The following USH2A variants were observed in gnomAD, a reference collection of about 807,000 sequenced individuals.
USH2A encodes usherin.
Under a neutral mutation model 538.9 loss-of-function variants are expected in USH2A, and 443 were observed. The ratio of observed to expected loss-of-function variants is 0.82; its 90% confidence interval spans 0.76 to 0.89. The LOEUF (loss-of-function observed/expected upper bound fraction) is 0.89, where lower values mean the gene tolerates loss of function less well. Ranked by LOEUF, USH2A falls within the 40% of genes least tolerant of loss-of-function variation. The pLI is 0.00. For missense variants in USH2A, 6,633 were observed against 6,324.8 expected, an observed-to-expected ratio of 1.05 and a Z score of -1.65; for synonymous variants, 2,413 against 2,273.5, an observed-to-expected ratio of 1.06 and a Z score of -1.75.
chr1:215,739,429 G>A (rs1660241605), intron 60 of USH2A, among the ~76,000 whole-genome samples: 1 of 152,066 alleles, frequency 6.6e-6, no homozygotes, highest in Non-Finnish European at 1.5e-5. Context: ...CTGTAATCAC[G>A]AGCTTTATTT....
chr1:215,713,257 G>A (rs911628444), intron 61 of USH2A, among the ~76,000 whole-genome samples: 1 of 152,026 alleles, frequency 6.6e-6, no homozygotes, highest in African/African-American at 2.4e-5. Context: ...ACTGAGTGCC[G>A]TCTCAGTTCC....
intron 4 of USH2A, among the ~76,000 whole-genome samples, chr1:216,349,426 G>A (rs1429133362): frequency 6.6e-6 from 1 of 152,126 alleles, no homozygotes; most frequent in South Asian, 2.1e-4. Context: ...ATTCTCAAGA[G>A]GGTAAGTCAT....
At chr1:216,168,512 T>C (rs902066276) in intron 21 of USH2A, among the ~76,000 whole-genome samples, 12 of 152,122 alleles carry the variant, frequency 7.9e-5, no homozygotes, top group African/African-American at 2.9e-4. Context: ...GACCTAACCT[T>C]GGGAAAAAAT....
intron 32 of USH2A, among the ~76,000 whole-genome samples, chr1:216,014,097 G>GAGAGAA (rs55999517): frequency 0.17 from 25,836 of 151,840 alleles, 2,484 homozygotes; most frequent in South Asian, 0.3. Flanking sequence ...GAGAGAGAGA[G>GAGAGAA]AGAGAAGAGA....
At chr1:216,119,178 A>C (rs2102592646) in intron 21 of USH2A, among the ~76,000 whole-genome samples, 1 of 152,354 alleles carries the variant, frequency 6.6e-6, no homozygotes, top group South Asian at 2.1e-4. Context: ...CCCCAACCCC[A>C]TCACTAAATA....
chr1:216,094,132 GA>G (rs1363233461), intron 22 of USH2A, among the ~76,000 whole-genome samples: 22 of 152,114 alleles, frequency 1.4e-4, no homozygotes, highest in African/African-American at 5.3e-4. Context: ...AGCAGAGCCA[GA>G]TTTTTCTTTC....
At chr1:216,047,003 G>A (rs547777610) in intron 31 of USH2A, among the ~76,000 whole-genome samples, 1 of 152,240 alleles carries the variant, frequency 6.6e-6, no homozygotes, top group South Asian at 2.1e-4. Flanking sequence ...TATATGTAAT[G>A]ATAAGAATTG....
At chr1:215,961,004 A>G (rs541190883) in intron 37 of USH2A, among the ~76,000 whole-genome samples, 23 of 152,164 alleles carry the variant, frequency 1.5e-4, no homozygotes, top group Admixed American at 1.4e-3. Context: ...CTTTGTTGCC[A>G]TTTTACACAC....
chr1:215,778,683 G>C (rs1661535964), intron 55 of USH2A, among the ~76,000 whole-genome samples: 1 of 152,118 alleles, frequency 6.6e-6, no homozygotes, highest in Admixed American at 6.6e-5. Context: ...CCAATGGAAG[G>C]AGGTCATCCA....
intron 23 of USH2A, among the ~76,000 whole-genome samples, chr1:216,088,504 T>C (rs1260683366): frequency 6.6e-6 from 1 of 152,164 alleles, no homozygotes; most frequent in Admixed American, 6.6e-5. Context: ...ATTATACAGG[T>C]ACAGTGATCA....
chr1:216,342,107 G>T (rs2038087567), intron 4 of USH2A, among the ~76,000 whole-genome samples: 2 of 152,042 alleles, frequency 1.3e-5, no homozygotes, highest in South Asian at 4.2e-4. Context: ...CCTGACAAAG[G>T]TCTAATATCC....
At chr1:216,144,103 T>G (rs990352874) in intron 21 of USH2A, among the ~76,000 whole-genome samples, 11 of 152,334 alleles carry the variant, frequency 7.2e-5, no homozygotes, top group African/African-American at 2.6e-4. Context: ...CTAAGTATTA[T>G]GAACATTTTA....
intron 38 of USH2A, among the ~76,000 whole-genome samples, chr1:215,923,277 A>G (rs2102490089): frequency 6.6e-6 from 1 of 152,176 alleles, no homozygotes; most frequent in East Asian, 1.9e-4. Context: ...ACAAAAAAAC[A>G]CTCAAGGGAA....
At chr1:215,820,381 C>CT (rs1662978317) in intron 47 of USH2A, among the ~76,000 whole-genome samples, 1 of 151,502 alleles carries the variant, frequency 6.6e-6, no homozygotes, top group African/African-American at 2.4e-5. Context: ...AAGTAACAGG[C>CT]TTTACTAGCA....
chr1:216,357,811 G>C (rs1462021156), intron 4 of USH2A, among the ~76,000 whole-genome samples: 1 of 152,080 alleles, frequency 6.6e-6, no homozygotes, highest in Non-Finnish European at 1.5e-5. Flanking sequence ...AGCTAGTATG[G>C]TTTATTACCA....
rs115208667 is a variant in USH2A, at chr1:215,894,951, C to G, written c.7594+5124G>C. ...TCCAAATATAAATCATTTCCAATTC[C>G]TCTCCTGGTCTTCTCTGGGTAGGCT... On this transcript the variant is annotated intron_variant, in intron 40 of 71. Coordinates refer to ENST00000307340, the MANE Select transcript of USH2A (RefSeq NM_206933.4). Among the ~76,000 whole-genome samples the G allele has an allele frequency of 8.9e-3, 1,356 of 152,226 alleles. 15 individuals carry two copies. Among genetic ancestry groups the G allele is most frequent in the African/African-American group, 0.031 (1,283 of 41,524 alleles).
At chr1:215,853,918 A>G (rs1045120083) in intron 44 of USH2A, among the ~76,000 whole-genome samples, 2 of 152,240 alleles carry the variant, frequency 1.3e-5, no homozygotes, top group Non-Finnish European at 2.9e-5. Flanking sequence ...AAACTTTCCC[A>G]CATTTTCCTG....
chr1:215,867,713 T>G (rs17025521), intron 43 of USH2A, among the ~76,000 whole-genome samples: 1,641 of 152,358 alleles, frequency 0.011, 23 homozygotes, highest in African/African-American at 0.037. Context: ...GTGTACAACA[T>G]TCTCCCGCTG....
intron 32 of USH2A, among the ~76,000 whole-genome samples, chr1:216,023,077 A>G (rs1447698980): frequency 6.6e-6 from 1 of 152,288 alleles, no homozygotes; most frequent in Middle Eastern, 3.4e-3. Context: ...ACAGCAGGTG[A>G]GGGCAATGAG....
Sources: allele counts gnomAD v4.1 joint callset (sites outside exome capture counted in the v4.1 genomes callset), GRCh38; gene constraint gnomAD v4.1.1; transcripts MANE v1.5; gene names NCBI Gene and HGNC (gene_info 2026-07-23, HGNC 2026-07-21).